PGPEP1: variants seen among roughly 807,000 people sequenced by gnomAD.
PGPEP1 encodes pyroglutamyl-peptidase I.
PGPEP1 carries 15 observed loss-of-function variants against 24.1 expected under a neutral mutation model. The observed-to-expected ratio is 0.62, with a 90% CI of 0.42 to 0.96. PGPEP1 has a LOEUF of 0.96. Ranked by LOEUF, PGPEP1 falls within the 40% of genes least tolerant of loss-of-function variation. PGPEP1 has a pLI of 0.00. For synonymous variants in PGPEP1, 122 were observed against 116.4 expected (o/e 1.05, Z -0.31); for missense variants, 242 against 273.4 (o/e 0.89, Z 0.81).
intron 2 of PGPEP1, among the ~76,000 whole-genome samples, chr19:18,353,192 T>A (rs529559983): frequency 4.6e-5 from 7 of 151,944 alleles, no homozygotes; most frequent in African/African-American, 1.7e-4. Context: ...GTATTGGAAT[T>A]ACAGGCATGA....
chr19:18,343,319 C>T (rs145482317), intron 2 of PGPEP1, among the ~76,000 whole-genome samples: 467 of 152,224 alleles, frequency 3.1e-3, no homozygotes, highest in African/African-American at 9.4e-3. Flanking sequence ...AAAACGATGT[C>T]GGATCCACAT....
chr19:18,359,025 T>A (rs898395609), intron 4 of PGPEP1, among the ~76,000 whole-genome samples: 2 of 152,044 alleles, frequency 1.3e-5, no homozygotes, highest in Non-Finnish European at 2.9e-5. Context: ...CAGTGGCTCA[T>A]GCCTATAATC....
chr19:18,344,014 C>T (rs1321590455), intron 2 of PGPEP1, among the ~76,000 whole-genome samples: 4 of 151,982 alleles, frequency 2.6e-5, no homozygotes, highest in Non-Finnish European at 5.9e-5. Context: ...AAATCTTTTC[C>T]ATTGACTCAG....
intron 4 of PGPEP1, 101 bp from the exon 5 acceptor site, chr19:18,363,290 G>A (rs1201965171): frequency 3.3e-6 from 3 of 898,302 alleles, no homozygotes; most frequent in Non-Finnish European, 5.1e-6. Context: ...TGCTGGTAAG[G>A]TCTTCCCTTG....
In PGPEP1 at chr19:18,354,961, CT is replaced by C. The variant is rs761843314; in HGVS notation, c.88-909del. Among the ~76,000 whole-genome samples, 791 of 94,726 alleles carry C rather than the reference CT, an allele frequency of 8.4e-3. 2 individuals are homozygous for C. The highest frequency in any genetic ancestry group is 0.022 in the African/African-American group (496 of 22,188). The allele number at this position is 94,726 out of a possible 152,430, so 62.1% of individuals were successfully genotyped here. On this transcript the variant is annotated intron_variant, in intron 2 of 4. Coordinates refer to ENST00000269919, the MANE Select transcript of PGPEP1 (RefSeq NM_017712.4). Reference sequence around the variant, plus strand: ...AGCTATCCTGTGAGGTAAGTCGATACTTTTTTTTTTTTTTTTTTTTTTTTTG... The same window carrying C: ...AGCTATCCTGTGAGGTAAGTCGATACTTTTTTTTTTTTTTTTTTTTTTTTG...
intron 2 of PGPEP1, among the ~76,000 whole-genome samples, chr19:18,353,570 AC>A (rs1971098062): frequency 6.6e-6 from 1 of 152,074 alleles, no homozygotes; most frequent in Non-Finnish European, 1.5e-5. Flanking sequence ...GTGTTGCGCA[AC>A]CATCATCTCT....
At chr19:18,353,716 T>C (rs980769804) in intron 2 of PGPEP1, among the ~76,000 whole-genome samples, 3 of 152,178 alleles carry the variant, frequency 2.0e-5, no homozygotes, top group African/African-American at 7.2e-5. Flanking sequence ...GCTCTGGGCA[T>C]TTCATATCAA....
chr19:18,356,359 G>A (rs1043989131), intron 3 of PGPEP1, among the ~76,000 whole-genome samples: 8 of 151,782 alleles, frequency 5.3e-5, no homozygotes, highest in East Asian at 1.9e-4. Flanking sequence ...GCTTGAACCC[G>A]GGAGGCGGAG....
rs141026789 is a variant in PGPEP1 at position 18,363,848 on chromosome 19, G to A, written c.*265G>A. The A allele has an allele frequency of 1.9e-3, 650 of 342,090 alleles. 9 individuals carry two copies. The Admixed American group carries it at 0.025, about 13-fold the overall frequency. 21.2% of individuals were successfully genotyped at this position (342,090 alleles called of 1,614,324 possible). ...CGTGACCAGGGAGGCCAGCCTGGGAGGTCCAGATGCCCAGGGAGAATCTTG... is the reference window on the plus strand; with the variant it reads ...CGTGACCAGGGAGGCCAGCCTGGGAAGTCCAGATGCCCAGGGAGAATCTTG... On this transcript the variant is annotated 3_prime_UTR_variant, in exon 5 of 5. Coordinates refer to ENST00000269919, the MANE Select transcript of PGPEP1 (RefSeq NM_017712.4).
rs549367821 is a variant in PGPEP1, at chr19:18,350,236, G to T, written c.88-5659G>T. 4.7e-4 allele frequency among the ~76,000 whole-genome samples: 71 copies of T among 152,074 alleles called. 1 individual carries two copies. Among genetic ancestry groups the T allele is most frequent in the African/African-American group, 1.6e-3 (68 of 41,488 alleles). On this transcript the variant is annotated intron_variant, in intron 2 of 4. Coordinates refer to ENST00000269919, the MANE Select transcript of PGPEP1 (RefSeq NM_017712.4). ...GACGGGGTTTCACCATGTTGGCCAG[G>T]CTGGTCTGAAACTCCTGACCTCAAA... is the stretch of plus-strand genomic sequence containing the variant.
chr19:18,341,365 C>T (rs1309822970), intron 1 of PGPEP1, among the ~76,000 whole-genome samples: 8 of 152,130 alleles, frequency 5.3e-5, no homozygotes, highest in African/African-American at 1.9e-4. Context: ...CTCCCCCCCA[C>T]CCCCAAACCA....
At chr19:18,362,623 G>A (rs1971374895) in intron 4 of PGPEP1, among the ~76,000 whole-genome samples, 1 of 151,578 alleles carries the variant, frequency 6.6e-6, no homozygotes, top group Non-Finnish European at 1.5e-5. Context: ...AGCTACTCGG[G>A]AGGCTGAAGC....
chr19:18,357,374 T>C lies in PGPEP1; in HGVS notation c.205-9T>C, dbSNP rs1971213224. ...GGCCATGTTAAGTCCTGCCCCTGTC[T>C]GTGTGCAGCTGGTGGTGCATGTGGG... On this transcript the variant is annotated splice_polypyrimidine_tract_variant and intron_variant, in intron 3 of 4. Coordinates refer to ENST00000269919, the MANE Select transcript of PGPEP1 (RefSeq NM_017712.4). The C allele has an allele frequency of 6.2e-7, 1 of 1,609,890 alleles. No individual in the cohort carries two copies. Among genetic ancestry groups the C allele is most frequent in the Non-Finnish European group, 8.5e-7 (1 of 1,177,040 alleles).
chr19:18,342,748 C>T (rs1970707424), intron 1 of PGPEP1, 111 bp from the exon 2 acceptor site: 1 of 818,584 alleles, frequency 1.2e-6, no homozygotes, highest in Non-Finnish European at 2.1e-6. Flanking sequence ...TCCTTGGCAG[C>T]TGCGCCCTGA....
At chr19:18,341,358 C>T (rs1250944028) in intron 1 of PGPEP1, among the ~76,000 whole-genome samples, 1 of 152,078 alleles carries the variant, frequency 6.6e-6, no homozygotes, top group Non-Finnish European at 1.5e-5. Flanking sequence ...TCACCGACTC[C>T]CCCCCACCCC....
intron 1 of PGPEP1, among the ~76,000 whole-genome samples, chr19:18,341,543 G>A (rs911239988): frequency 2.6e-5 from 4 of 152,174 alleles, no homozygotes; most frequent in Non-Finnish European, 4.4e-5. Context: ...GTTGAAGGGA[G>A]ATTGAGGCTG....
Position 18,363,669 on chromosome 19 carries a change from A to C in PGPEP1, c.*86A>C. 1 of 956,448 alleles carries C rather than the reference A, an allele frequency of 1.0e-6. No individual in the cohort carries two copies. Among genetic ancestry groups the C allele is most frequent in the Non-Finnish European group, 1.6e-6 (1 of 638,852 alleles). The allele number at this position is 956,448 out of a possible 1,614,324, so 59.2% of individuals were successfully genotyped here. A position where few individuals can be genotyped will look rare whatever the true frequency, so the allele number is the denominator to read the frequency against. On this transcript the variant is annotated 3_prime_UTR_variant, in exon 5 of 5. Coordinates refer to ENST00000269919, the MANE Select transcript of PGPEP1 (RefSeq NM_017712.4). The stretch of plus-strand genomic sequence containing the variant: ...CTCTGGGGTGTGGCCAGGAAAAGAC[A>C]AGCTCTTCAGCTTGGGGATCCGATC...
At chr19:18,361,020 T>C (rs1470847840) in intron 4 of PGPEP1, among the ~76,000 whole-genome samples, 4 of 151,794 alleles carry the variant, frequency 2.6e-5, no homozygotes, top group Non-Finnish European at 4.4e-5. Context: ...TTAGTAGAGA[T>C]GGGGTTTCAC....
rs542146002 is a variant in PGPEP1 at position 18,368,892 on chromosome 19, G to A, written c.*5309G>A. The stretch of plus-strand genomic sequence containing the variant: ...TGGTCAAGGAGGCAGGTCTTTGCCA[G>A]GTTGCCCCATGCAGCCACCCATCCT... On this transcript the variant is annotated 3_prime_UTR_variant, in exon 5 of 5. Coordinates refer to ENST00000269919, the MANE Select transcript of PGPEP1 (RefSeq NM_017712.4). 1 of 152,582 alleles carries A rather than the reference G, an allele frequency of 6.6e-6. No homozygotes were observed. 9.5% of individuals were successfully genotyped at this position (152,582 alleles called of 1,614,324 possible).
Sources: gnomAD v4.1 joint callset for allele counts (sites outside exome capture counted in the v4.1 genomes callset) on GRCh38, gnomAD v4.1.1 for gene constraint, MANE v1.5 for transcripts, NCBI Gene and HGNC (gene_info 2026-07-23, HGNC 2026-07-21) for gene names.